Variants in PHACTR3 observed in about 807,000 individuals in gnomAD.
PHACTR3 encodes the protein protein phosphatase 1, regulatory subunit 123.
In PHACTR3, 16 loss-of-function variants were observed where a neutral mutation model predicts 66.8. The observed-to-expected ratio is 0.24, with a 90% CI of 0.16 to 0.36. PHACTR3 has a LOEUF of 0.36. Ranked by LOEUF, PHACTR3 falls within the 10% of genes least tolerant of loss-of-function variation. PHACTR3 has a pLI of 1.00. For synonymous variants in PHACTR3, 323 were observed against 292.1 expected, an observed-to-expected ratio of 1.11 and a Z score of -1.08; for missense variants, 647 against 719.9, an observed-to-expected ratio of 0.90 and a Z score of 1.16.
intron 1 of PHACTR3, among the ~76,000 whole-genome samples, chr20:59,698,083 A>G (rs2146601263): frequency 6.6e-6 from 1 of 152,336 alleles, no homozygotes; most frequent in East Asian, 1.9e-4. Flanking sequence ...AAAAACTGGG[A>G]AAAAATCCTA....
intron 7 of PHACTR3, among the ~76,000 whole-genome samples, chr20:59,787,217 G>A (rs1244382820): frequency 2.0e-5 from 3 of 152,226 alleles, no homozygotes; most frequent in Admixed American, 1.3e-4. Context: ...ACTTCTTGGT[G>A]AGTATGTAAA....
chr20:59,611,735 G>A (rs775941998), intron 1 of PHACTR3, among the ~76,000 whole-genome samples: 2 of 152,166 alleles, frequency 1.3e-5, no homozygotes, highest in African/African-American at 2.4e-5. Flanking sequence ...ACCCAGCCTC[G>A]GATGTTGTTC....
At chr20:59,619,525 C>T (rs1277083274) in intron 1 of PHACTR3, among the ~76,000 whole-genome samples, 1 of 152,002 alleles carries the variant, frequency 6.6e-6, no homozygotes, top group Non-Finnish European at 1.5e-5. Flanking sequence ...GAAGGCACCC[C>T]ACTGCTACAC....
intron 1 of PHACTR3, among the ~76,000 whole-genome samples, chr20:59,584,766 G>A (rs542820328): frequency 4.4e-4 from 67 of 152,236 alleles, no homozygotes; most frequent in African/African-American, 1.5e-3. Flanking sequence ...CCCGTGGAGT[G>A]TACCCATCTG....
rs544480494 is a variant in PHACTR3 at position 59,793,479 on chromosome 20, C to CTT, written c.1175-12562_1175-12561insTT. Among the ~76,000 whole-genome samples, 80 of 152,230 alleles carry CTT rather than the reference C, an allele frequency of 5.3e-4. No homozygotes were observed. In the South Asian group the frequency reaches 0.013, roughly 25 times the overall value. The stretch of plus-strand genomic sequence containing the variant: ...ATTTCTTTCAATGATTCATAATTTT[C>CTT]AGAATACAGATCTTTCATCTCCTTG... On this transcript the variant is annotated intron_variant, in intron 7 of 12. Coordinates refer to ENST00000371015, the MANE Select transcript of PHACTR3 (RefSeq NM_080672.5).
intron 1 of PHACTR3, among the ~76,000 whole-genome samples, chr20:59,689,873 C>T (rs530588210): frequency 6.6e-6 from 1 of 152,278 alleles, no homozygotes; most frequent in Admixed American, 6.5e-5. Flanking sequence ...TCATTACCCC[C>T]AGCCACACCA....
chr20:59,752,038 C>T (rs897572988), intron 3 of PHACTR3, among the ~76,000 whole-genome samples: 1 of 152,214 alleles, frequency 6.6e-6, no homozygotes, highest in Non-Finnish European at 1.5e-5. Context: ...CCTACCCCGT[C>T]ATTGGGTATA....
At chr20:59,645,221 C>CTTTT (rs11470114) in intron 1 of PHACTR3, among the ~76,000 whole-genome samples, 2 of 120,576 alleles carry the variant, frequency 1.7e-5, no homozygotes, top group African/African-American at 3.2e-5. Context: ...GTTAGCAGAT[C>CTTTT]TTTTTTTTTT....
intron 4 of PHACTR3, among the ~76,000 whole-genome samples, chr20:59,756,320 T>C (rs1374602101): frequency 6.6e-6 from 1 of 152,164 alleles, no homozygotes; most frequent in East Asian, 1.9e-4. Flanking sequence ...TGAACGCGTC[T>C]CTCCGTGAGT....
At chr20:59,634,733 T>C (rs1179619461) in intron 1 of PHACTR3, among the ~76,000 whole-genome samples, 2 of 152,234 alleles carry the variant, frequency 1.3e-5, no homozygotes, top group Non-Finnish European at 2.9e-5. Flanking sequence ...GTGAGCGCCA[T>C]CCAGCAGAAC....
At chr20:59,834,227 T>G (rs1486836772) in intron 8 of PHACTR3, among the ~76,000 whole-genome samples, 12 of 152,176 alleles carry the variant, frequency 7.9e-5, no homozygotes, top group Non-Finnish European at 1.8e-4. Flanking sequence ...GCTCTAAAAG[T>G]GCCTGTGTGC....
intron 3 of PHACTR3, among the ~76,000 whole-genome samples, chr20:59,754,944 A>C (rs1435389192): frequency 1.3e-5 from 2 of 152,168 alleles, no homozygotes; most frequent in African/African-American, 4.8e-5. Flanking sequence ...TCGGAGGAAG[A>C]GTGCACACAG....
chr20:59,841,653 CA>C (rs2059063995), intron 11 of PHACTR3, 118 bp downstream of exon 11: 1 of 1,028,880 alleles, frequency 9.7e-7, no homozygotes, highest in Non-Finnish European at 1.3e-6. Context: ...GGGTATACTG[CA>C]GTAAATATTG....
chr20:59,647,335 C>T (rs988605478), intron 1 of PHACTR3, among the ~76,000 whole-genome samples: 1 of 152,198 alleles, frequency 6.6e-6, no homozygotes, highest in East Asian at 1.9e-4. Context: ...CATCTGGCCC[C>T]ACCCTTGACA....
Position 59,743,243 on chromosome 20 carries a change from C to T in PHACTR3, c.255C>T (p.Asn85=), listed in dbSNP as rs77938228. The change falls in exon 2 of 13, where the codon AAC becomes AAT. Residue 85 remains asparagine, a synonymous_variant. Transcript: ENST00000371015. ...FKPWKWRKKK[N]EKLKQTTSAL... ...CCTGGAAATGGAGGAAAAAGAAAAA[C>T]GAAAAACTGAAGCAGACAACGTCAG... The T allele has an allele frequency of 7.7e-4, 1,239 of 1,614,050 alleles. 6 individuals are homozygous for T. The African/African-American group carries it at 0.014, about 19-fold the overall frequency.
chr20:59,782,440 CAG>C (rs1411591747), intron 7 of PHACTR3, among the ~76,000 whole-genome samples: 1 of 152,058 alleles, frequency 6.6e-6, no homozygotes, highest in Non-Finnish European at 1.5e-5. Flanking sequence ...TTAGTAGAGG[CAG>C]AGTTTCACCA....
rs186105070 is a variant in PHACTR3 at position 59,630,211 on chromosome 20, C to T, written c.118+25079C>T. 4.9e-3 allele frequency among the ~76,000 whole-genome samples: 752 copies of T among 152,224 alleles called. 3 individuals are homozygous for T. Among genetic ancestry groups the T allele is most frequent in the Non-Finnish European group, 8.6e-3 (586 of 68,022 alleles). On this transcript the variant is annotated intron_variant, in intron 1 of 12. Transcript: ENST00000371015. ...TTTTTTCTTTTTTTTGAGATGGAGT[C>T]TCACTCTGTCCCCCAGGCTGGAGTG...
Position 59,635,422 on chromosome 20 carries a change from C to T in PHACTR3, c.118+30290C>T, listed in dbSNP as rs536316346. ...CTAATTTTTTTGTATTTATTAGAGA[C>T]GGGGTTTCACCATGTTAGTCAGGCT... is the stretch of plus-strand genomic sequence containing the variant. On this transcript the variant is annotated intron_variant, in intron 1 of 12. Transcript: ENST00000371015. 5.9e-5 allele frequency among the ~76,000 whole-genome samples: 9 copies of T among 151,274 alleles called. No individual in the cohort carries two copies. The East Asian group carries it at 1.2e-3, about 20-fold the overall frequency.
rs144628214 is a variant in PHACTR3 at position 59,739,859 on chromosome 20, C to T, written c.119-3248C>T. On this transcript the variant is annotated intron_variant, in intron 1 of 12. Transcript: ENST00000371015. The stretch of plus-strand genomic sequence containing the variant: ...TTCTGTGTTCTGCTTTGGGTCCCCT[C>T]GATGCAGCTTTGGAAGGTGAGAGGG... Among the ~76,000 whole-genome samples, 54 of 152,054 alleles carry T rather than the reference C, an allele frequency of 3.6e-4. No homozygotes were observed. In the East Asian group the frequency reaches 7.4e-3, roughly 21 times the overall value.
Sources: allele counts gnomAD v4.1 joint callset (sites outside exome capture counted in the v4.1 genomes callset), GRCh38; gene constraint gnomAD v4.1.1; transcripts MANE v1.5; gene names NCBI Gene and HGNC (gene_info 2026-07-23, HGNC 2026-07-21).